The following KCND2 variants were observed in gnomAD, a reference collection of about 807,000 sequenced individuals.
The protein encoded by KCND2 is A-type voltage-gated potassium channel KCND2.
In KCND2, 16 loss-of-function variants were observed where a neutral mutation model predicts 54.4. That is an observed-to-expected ratio of 0.29 (90% CI 0.20 to 0.45). KCND2 has a LOEUF of 0.45. Ranked by LOEUF, KCND2 falls within the 20% of genes least tolerant of loss-of-function variation. The pLI is 1.00. For synonymous variants in KCND2, 317 were observed against 310.7 expected (o/e 1.02, Z -0.21); for missense variants, 486 against 824.2 (o/e 0.59, Z 5.02).
intron 1 of KCND2, among the ~76,000 whole-genome samples, chr7:120,387,782 A>T (rs1476973167): frequency 6.6e-6 from 1 of 151,992 alleles, no homozygotes; most frequent in African/African-American, 2.4e-5. Flanking sequence ...ATAAATCTCA[A>T]CTGAATCAAT....
At chr7:120,307,064 G>A (rs765352273) in intron 1 of KCND2, among the ~76,000 whole-genome samples, 2 of 151,938 alleles carry the variant, frequency 1.3e-5, no homozygotes, top group Admixed American at 1.3e-4. Flanking sequence ...TCATACGTTT[G>A]CTTTTAAAAT....
intron 1 of KCND2, among the ~76,000 whole-genome samples, chr7:120,444,173 A>G (rs527314896): frequency 1.2e-4 from 18 of 152,242 alleles, no homozygotes; most frequent in African/African-American, 4.3e-4. Context: ...CATTCTTGTC[A>G]GGTGCTTTCT....
intron 1 of KCND2, among the ~76,000 whole-genome samples, chr7:120,348,089 G>T (rs1243906310): frequency 6.6e-6 from 1 of 152,126 alleles, no homozygotes; most frequent in Non-Finnish European, 1.5e-5. Flanking sequence ...CACATTGGGG[G>T]TTAGGATGTC....
intron 1 of KCND2, among the ~76,000 whole-genome samples, chr7:120,579,074 CAG>C (rs1792478536): frequency 1.3e-5 from 2 of 152,024 alleles, no homozygotes; most frequent in Admixed American, 6.6e-5. Context: ...CAAAAATATA[CAG>C]AGTCCATATG....
intron 1 of KCND2, among the ~76,000 whole-genome samples, chr7:120,475,577 C>T (rs1419570886): frequency 3.3e-5 from 5 of 152,034 alleles, no homozygotes; most frequent in African/African-American, 9.7e-5. Context: ...GTTTTACAGA[C>T]GAAAACAGGT....
intron 1 of KCND2, among the ~76,000 whole-genome samples, chr7:120,366,741 C>A (rs1447455086): frequency 3.3e-5 from 5 of 152,030 alleles, no homozygotes; most frequent in African/African-American, 9.7e-5. Context: ...TTTCTCACAG[C>A]TACCTGAACA....
At chr7:120,398,179 A>G (rs1460274506) in intron 1 of KCND2, among the ~76,000 whole-genome samples, 1 of 133,370 alleles carries the variant, frequency 7.5e-6, no homozygotes. Flanking sequence ...ACACACACAC[A>G]CATATATATA....
intron 1 of KCND2, among the ~76,000 whole-genome samples, chr7:120,429,507 G>A (rs68038367): frequency 0.065 from 9,780 of 150,626 alleles, 1,049 homozygotes; most frequent in East Asian, 0.53. Flanking sequence ...GAGGAGGAGT[G>A]GGGCAGGGAG....
chr7:120,466,985 C>G (rs1802380170), intron 1 of KCND2, among the ~76,000 whole-genome samples: 1 of 152,132 alleles, frequency 6.6e-6, no homozygotes, highest in African/African-American at 2.4e-5. Flanking sequence ...TTTCTTGCCT[C>G]CATCTTTGAA....
chr7:120,322,313 G>A (rs1285618588), intron 1 of KCND2, among the ~76,000 whole-genome samples: 5 of 152,014 alleles, frequency 3.3e-5, no homozygotes, highest in African/African-American at 1.2e-4. Flanking sequence ...GCAGCCACTT[G>A]TTCTATATTA....
At chr7:120,362,081 C>T (rs1421834102) in intron 1 of KCND2, among the ~76,000 whole-genome samples, 5 of 152,048 alleles carry the variant, frequency 3.3e-5, no homozygotes. Context: ...CCTTACCTAC[C>T]TGGGCGAGAT....
intron 1 of KCND2, 95 bp downstream of exon 1, chr7:120,275,842 T>C (rs947671655): frequency 1.5e-6 from 2 of 1,373,864 alleles, no homozygotes; most frequent in African/African-American, 2.9e-5. Context: ...GGAAATCATT[T>C]GTTTTCTTTC....
intron 1 of KCND2, among the ~76,000 whole-genome samples, chr7:120,692,161 G>A (rs1792278050): frequency 6.6e-6 from 1 of 152,184 alleles, no homozygotes; most frequent in African/African-American, 2.4e-5. Context: ...TGAGGAGGTA[G>A]CTGAGAAAGG....
intron 1 of KCND2, among the ~76,000 whole-genome samples, chr7:120,492,502 A>C (rs1283457915): frequency 6.6e-6 from 1 of 151,992 alleles, no homozygotes; most frequent in Non-Finnish European, 1.5e-5. Flanking sequence ...TTTATCGCTC[A>C]CAGTTCTGGA....
Position 120,274,681 on chromosome 7 carries a change from A to G in KCND2, c.49A>G (p.Ile17Val), listed in dbSNP as rs1203478762. 4 of 1,613,898 alleles carry G rather than the reference A, an allele frequency of 2.5e-6. No individual in the cohort carries two copies. The highest frequency in any genetic ancestry group is 1.3e-5 in the African/African-American group (1 of 74,940). ...AWLPFARAAA[I>V]GWMPVASGPM... is the part of the protein sequence containing the mutation. ...GCTGCCTTTTGCAAGGGCAGCGGCT[A>G]TCGGGTGGATGCCTGTGGCCTCGGG... The change falls in exon 1 of 6, where the codon ATC becomes GTC. Residue 17 changes from isoleucine to valine, a missense_variant. Transcript: ENST00000331113.
At chr7:120,293,566 A>G (rs1396839922) in intron 1 of KCND2, among the ~76,000 whole-genome samples, 1 of 152,036 alleles carries the variant, frequency 6.6e-6, no homozygotes, top group Non-Finnish European at 1.5e-5. Flanking sequence ...GAAAAGGGTC[A>G]GACACATATG....
At chr7:120,680,620 T>G (rs897633697) in intron 1 of KCND2, among the ~76,000 whole-genome samples, 1 of 152,124 alleles carries the variant, frequency 6.6e-6, no homozygotes, top group Non-Finnish European at 1.5e-5. Flanking sequence ...GCCTACCATC[T>G]CTTTAACCAC....
At chr7:120,633,799 T>C (rs1793268669) in intron 1 of KCND2, among the ~76,000 whole-genome samples, 1 of 152,200 alleles carries the variant, frequency 6.6e-6, no homozygotes, top group African/African-American at 2.4e-5. Context: ...TAATAACTCA[T>C]GACTTCTTAC....
In KCND2 at chr7:120,356,815, AC is replaced by A. The variant is rs1800512667; in HGVS notation, c.1115+81070del. Among the ~76,000 whole-genome samples the A allele has an allele frequency of 2.6e-5, 4 of 152,008 alleles. No individual in the cohort carries two copies. In the South Asian group the frequency reaches 8.3e-4, roughly 32 times the overall value. On this transcript the variant is annotated intron_variant, in intron 1 of 5. Transcript: ENST00000331113. ...TCTATATCGTTATTATTTTTCTTTTACCATACTCTCCAGACTAATCGCAAGC... is the reference window on the plus strand; with the variant it reads ...TCTATATCGTTATTATTTTTCTTTTACATACTCTCCAGACTAATCGCAAGC...
Sources: allele counts gnomAD v4.1 joint callset (sites outside exome capture counted in the v4.1 genomes callset), GRCh38; gene constraint gnomAD v4.1.1; transcripts MANE v1.5; gene names NCBI Gene and HGNC (gene_info 2026-07-23, HGNC 2026-07-21).